ITGB2: variants seen among roughly 807,000 people sequenced by gnomAD.
ITGB2 encodes the protein integrin beta-2.
Under a neutral mutation model 86.8 loss-of-function variants are expected in ITGB2, and 56 were observed. The ratio of observed to expected loss-of-function variants is 0.65; its 90% CI spans 0.52 to 0.81. The LOEUF (loss-of-function observed/expected upper bound fraction) is 0.81, where lower values mean the gene tolerates loss of function less well. Ranked by LOEUF, ITGB2 falls within the 30% of genes least tolerant of loss-of-function variation. The pLI is 0.00. For missense variants in ITGB2, 948 were observed against 1,061.2 expected (o/e 0.89, Z 1.48); for synonymous variants, 457 against 450.4 (o/e 1.01, Z -0.19).
At chr21:44,917,227 G>A (rs996710351) in intron 1 of ITGB2, among the ~76,000 whole-genome samples, 1 of 152,190 alleles carries the variant, frequency 6.6e-6, no homozygotes, top group African/African-American at 2.4e-5. Flanking sequence ...CGGTGCCTGC[G>A]CTATGGAGTC....
chr21:44,891,911 A>G lies in ITGB2; in HGVS notation c.1310T>C (p.Val437Ala). The change falls in exon 11 of 16, where the codon GTG (valine) becomes GCG (alanine). Residue 437 changes from valine to alanine, a missense_variant. Transcript: ENST00000652462. ...VIRALGFTDI[V>A]TVQVLPQCEC... ...ACACTGGGGAAGAACCTGCACGGTC[A>G]CTATGTCCGTGAAGCCCAGCGCCCG... The G allele has an allele frequency of 6.2e-7, 1 of 1,613,384 alleles. No homozygotes were observed. The highest frequency in any genetic ancestry group is 8.5e-7 in the Non-Finnish European group (1 of 1,179,994).
rs1178310578 is a variant in ITGB2, at chr21:44,910,955, G to A, written c.-3-170C>T. On this transcript the variant is annotated intron_variant, in intron 1 of 15. Transcript: ENST00000652462. ...GCTGCACTGGGCCCAGCTGCCAACA[G>A]CCAGGGAGGGAGGGATCCCGGGCTC... The A allele has an allele frequency of 1.8e-5, 12 of 654,368 alleles. No homozygotes were observed. The Admixed American group carries it at 2.8e-4, about 15-fold the overall frequency. 40.5% of individuals were successfully genotyped at this position (654,368 alleles called of 1,614,324 possible). A position where few individuals can be genotyped will look rare whatever the true frequency, so the allele number is the denominator to read the frequency against.
At chr21:44,892,216 T>A (rs1284387721) in intron 10 of ITGB2, among the ~76,000 whole-genome samples, 1 of 151,996 alleles carries the variant, frequency 6.6e-6, no homozygotes, top group African/African-American at 2.4e-5. Context: ...GGCACCAGGA[T>A]CTCCCCGGCC....
At position 44,899,136 on chromosome 21, in the gene ITGB2, C is replaced by T. The variant is rs138698694; in HGVS notation, c.924G>A (p.Ala308=). The T allele has an allele frequency of 1.1e-4, 184 of 1,613,940 alleles. 1 individual carries two copies. The highest frequency in any genetic ancestry group is 7.1e-4 in the South Asian group (65 of 91,074). ...EFDYPSVGQL[A]HKLAENNIQP... is the part of the protein sequence containing the mutation. ...GGATGTTGTTTTCAGCCAGCTTGTGCGCCAGCTGGCCCACCGATGGGTAGT... is the reference window on the plus strand; with the variant it reads ...GGATGTTGTTTTCAGCCAGCTTGTGTGCCAGCTGGCCCACCGATGGGTAGT... Residue 308 remains alanine, a synonymous_variant, in exon 8 of 16, where the codon GCG becomes GCA. Coordinates refer to ENST00000652462, the MANE Select transcript of ITGB2 (RefSeq NM_000211.5).
chr21:44,894,237 C>T (rs765589372), intron 9 of ITGB2: 21 of 163,588 alleles, frequency 1.3e-4, no homozygotes, highest in Middle Eastern at 3.0e-3. Flanking sequence ...ACCTCCTCCA[C>T]GGGCCTTCAG....
intron 1 of ITGB2, among the ~76,000 whole-genome samples, chr21:44,913,491 A>G (rs1164377001): frequency 6.6e-6 from 1 of 152,098 alleles, no homozygotes; most frequent in East Asian, 1.9e-4. Context: ...TGACCACAGG[A>G]AGGGGGCTGG....
chr21:44,917,287 C>T (rs980272251), intron 1 of ITGB2, among the ~76,000 whole-genome samples: 5 of 151,954 alleles, frequency 3.3e-5, no homozygotes, highest in African/African-American at 9.7e-5. Context: ...AGCTTGGCTT[C>T]GTGGTAAAAG....
chr21:44,923,360 G>T (rs1289994607), upstream of ITGB2, among the ~76,000 whole-genome samples: 1 of 150,368 alleles, frequency 6.7e-6, no homozygotes, highest in African/African-American at 2.4e-5. Context: ...TGTGACAATG[G>T]TTTGTGGTTA....
At chr21:44,919,867 G>T (rs1273439523) in intron 1 of ITGB2, among the ~76,000 whole-genome samples, 1 of 152,182 alleles carries the variant, frequency 6.6e-6, no homozygotes, top group Non-Finnish European at 1.5e-5. Flanking sequence ...GGTGCCAGGG[G>T]TGGAGGATGC....
Position 44,906,882 on chromosome 21 carries a change from G to A in ITGB2, c.328+33C>T, listed in dbSNP as rs1267805659. On this transcript the variant is annotated intron_variant, in intron 4 of 15. Transcript: ENST00000652462. ...GCCAGAGCCAATAACCAGCACAGACGGTGCCTGGCACCACCACCGAGGCCA... is the reference window on the plus strand; with the variant it reads ...GCCAGAGCCAATAACCAGCACAGACAGTGCCTGGCACCACCACCGAGGCCA... The A allele has an allele frequency of 1.4e-5, 22 of 1,611,326 alleles. 1 individual carries two copies. In the Middle Eastern group the frequency reaches 9.9e-4, roughly 72 times the overall value.
intron 1 of ITGB2, chr21:44,911,388 C>A (rs573417322): frequency 3.4e-4 from 53 of 157,774 alleles, no homozygotes; most frequent in Admixed American, 8.7e-4. Flanking sequence ...GGTGTGTGCA[C>A]TCTGCCCCAG....
intron 11 of ITGB2, among the ~76,000 whole-genome samples, chr21:44,891,022 G>A (rs776499937): frequency 1.6e-4 from 24 of 152,060 alleles, no homozygotes; most frequent in Non-Finnish European, 2.8e-4. Context: ...GCAGGGACCT[G>A]AAGGTGAGGA....
At chr21:44,899,034 C>T in intron 8 of ITGB2, 33 bp downstream of exon 8, 1 of 1,540,344 alleles carries the variant, frequency 6.5e-7, no homozygotes. Context: ...CATGCCCCCA[C>T]CCAATGGATG....
chr21:44,914,778 A>G (rs961842723), intron 1 of ITGB2, among the ~76,000 whole-genome samples: 4 of 152,160 alleles, frequency 2.6e-5, no homozygotes, highest in Middle Eastern at 6.8e-3. Context: ...AAAAATAGAA[A>G]ATAAATTAGC....
chr21:44,916,995 T>C (rs963873837), intron 1 of ITGB2, among the ~76,000 whole-genome samples: 12 of 152,144 alleles, frequency 7.9e-5, no homozygotes, highest in South Asian at 2.1e-4. Flanking sequence ...AGGTAAATGG[T>C]AATCTTCATC....
intron 3 of ITGB2, among the ~76,000 whole-genome samples, chr21:44,908,524 A>G (rs2084079848): frequency 6.6e-6 from 1 of 152,170 alleles, no homozygotes; most frequent in Non-Finnish European, 1.5e-5. Flanking sequence ...TGTAACCCCC[A>G]GTCAAGTTCC....
chr21:44,907,942 GA>G (rs1468031013), intron 3 of ITGB2: 1 of 626,210 alleles, frequency 1.6e-6, no homozygotes, highest in Non-Finnish European at 3.0e-6. Context: ...ATCCCAGCAA[GA>G]GAGAAAAGAA....
rs1230029619 is a variant in ITGB2 at position 44,927,934 on chromosome 21, G to A, written c.-4+720C>T. The A allele has an allele frequency of 2.0e-5, 3 of 152,564 alleles. No homozygotes were observed. In the East Asian group the frequency reaches 5.8e-4, roughly 29 times the overall value. 9.5% of individuals were successfully genotyped at this position (152,564 alleles called of 1,614,324 possible). A position where few individuals can be genotyped will look rare whatever the true frequency, so the allele number is the denominator to read the frequency against. On this transcript the variant is annotated intron_variant, in intron 1 of 15. Coordinates refer to the ITGB2 transcript ENST00000355153. ...AATGCAGAAATGGAGATCTGCCCCGGGGAAGGCAGGTGAGTGTAGGAAGGA... is the reference window on the plus strand; with the variant it reads ...AATGCAGAAATGGAGATCTGCCCCGAGGAAGGCAGGTGAGTGTAGGAAGGA...
At chr21:44,891,330 C>T (rs1383493397) in intron 11 of ITGB2, among the ~76,000 whole-genome samples, 3 of 152,106 alleles carry the variant, frequency 2.0e-5, no homozygotes, top group African/African-American at 7.2e-5. Context: ...CATCACCTGT[C>T]CCAGGAGGCT....
Sources: gnomAD v4.1 joint callset for allele counts (sites outside exome capture counted in the v4.1 genomes callset) on GRCh38, gnomAD v4.1.1 for gene constraint, MANE v1.5 for transcripts, NCBI Gene and HGNC (gene_info 2026-07-23, HGNC 2026-07-21) for gene names.